KCNB2: variants seen among roughly 807,000 people sequenced by gnomAD.
KCNB2 encodes the protein delayed rectifier potassium channel protein.
KCNB2 carries 15 observed loss-of-function variants against 61.5 expected under a neutral mutation model. The observed-to-expected ratio is 0.24, with a 90% CI of 0.16 to 0.38. KCNB2 has a LOEUF of 0.38. Among genes scored for constraint, KCNB2 ranks in the 10% least tolerant of loss-of-function variants. The pLI is 1.00. For synonymous variants in KCNB2, 457 were observed against 446.0 expected (o/e 1.02, Z -0.31); for missense variants, 828 against 1,125.2 (o/e 0.74, Z 3.78).
chr8:72,767,805 A>G (rs1808485003), intron 2 of KCNB2, among the ~76,000 whole-genome samples: 1 of 152,182 alleles, frequency 6.6e-6, no homozygotes, highest in African/African-American at 2.4e-5. Context: ...GTTTTCCAAA[A>G]TGCCTGCATA....
intron 2 of KCNB2, among the ~76,000 whole-genome samples, chr8:72,736,407 A>T (rs1807846800): frequency 6.6e-6 from 1 of 152,144 alleles, no homozygotes; most frequent in Admixed American, 6.6e-5. Flanking sequence ...TTATCCCAAG[A>T]GTTGTTATTA....
At chr8:72,688,825 CA>C (rs1239578135) in intron 2 of KCNB2, among the ~76,000 whole-genome samples, 2 of 152,142 alleles carry the variant, frequency 1.3e-5, no homozygotes, top group African/African-American at 4.8e-5. Flanking sequence ...CTCCCAGGCT[CA>C]AGCAGTCCTC....
chr8:72,684,248 G>T (rs1333904128), intron 2 of KCNB2, among the ~76,000 whole-genome samples: 1 of 152,208 alleles, frequency 6.6e-6, no homozygotes, highest in African/African-American at 2.4e-5. Context: ...GTCACTAATA[G>T]AAGAAATACA....
intron 2 of KCNB2, among the ~76,000 whole-genome samples, chr8:72,908,654 T>C (rs77006305): frequency 0.011 from 1,633 of 152,286 alleles, 24 homozygotes; most frequent in African/African-American, 0.036. Flanking sequence ...GTTTTCACAT[T>C]ATTTTGTTGG....
intron 2 of KCNB2, among the ~76,000 whole-genome samples, chr8:72,771,343 A>C (rs1808555988): frequency 6.6e-6 from 1 of 152,178 alleles, no homozygotes; most frequent in Non-Finnish European, 1.5e-5. Context: ...CCTGCAGATA[A>C]AGTGATTTCC....
intron 2 of KCNB2, among the ~76,000 whole-genome samples, chr8:72,849,946 C>A (rs1489200884): frequency 6.6e-6 from 1 of 152,092 alleles, no homozygotes; most frequent in African/African-American, 2.4e-5. Context: ...CAACACCCAC[C>A]ATTTGTCAAA....
At chr8:72,694,548 G>A (rs1806987853) in intron 2 of KCNB2, among the ~76,000 whole-genome samples, 1 of 152,158 alleles carries the variant, frequency 6.6e-6, no homozygotes. Context: ...TATTCTGAAA[G>A]ATGGAGACTT....
At chr8:72,692,354 A>C (rs1403503332) in intron 2 of KCNB2, among the ~76,000 whole-genome samples, 2 of 152,098 alleles carry the variant, frequency 1.3e-5, no homozygotes, top group African/African-American at 4.8e-5. Flanking sequence ...GATTGGAGGT[A>C]GGATGGGGAA....
intron 2 of KCNB2, among the ~76,000 whole-genome samples, chr8:72,692,073 A>G (rs1806948342): frequency 6.6e-6 from 1 of 151,850 alleles, no homozygotes; most frequent in African/African-American, 2.4e-5. Context: ...TGTCTCTACT[A>G]AAAATACAAA....
chr8:72,606,807 G>A (rs1459924397), intron 2 of KCNB2, among the ~76,000 whole-genome samples: 3 of 152,160 alleles, frequency 2.0e-5, no homozygotes, highest in Admixed American at 2.0e-4. Context: ...TGCTTGCTGA[G>A]GGAGAGTAAA....
rs536029331 is a variant in KCNB2 at position 72,806,115 on chromosome 8, T to A, written c.580-129820T>A. Among the ~76,000 whole-genome samples, 37 of 152,174 alleles carry A rather than the reference T, an allele frequency of 2.4e-4. 1 individual carries two copies. The South Asian group carries it at 7.7e-3, about 32-fold the overall frequency. ...TGGCTCACGCCTGTAATCCTAGCAC[T>A]TTGGGAGGCCAAGGTGGGTGGATCA... On this transcript the variant is annotated intron_variant, in intron 2 of 2. Transcript: ENST00000523207.
At chr8:72,540,298 G>A (rs890354879) in intron 1 of KCNB2, among the ~76,000 whole-genome samples, 2 of 151,936 alleles carry the variant, frequency 1.3e-5, no homozygotes, top group Non-Finnish European at 2.9e-5. Flanking sequence ...ACGTTGATAG[G>A]AAATCTCATG....
intron 2 of KCNB2, among the ~76,000 whole-genome samples, chr8:72,626,444 G>T: frequency 6.6e-6 from 1 of 152,222 alleles, no homozygotes; most frequent in East Asian, 1.9e-4. Flanking sequence ...TATGTGCAAT[G>T]TGTTACATGC....
chr8:72,630,995 T>A (rs999288214), intron 2 of KCNB2, among the ~76,000 whole-genome samples: 18 of 152,214 alleles, frequency 1.2e-4, no homozygotes, highest in African/African-American at 4.1e-4. Context: ...GAACCCTGTA[T>A]ACAGTATGTT....
intron 2 of KCNB2, among the ~76,000 whole-genome samples, chr8:72,676,527 T>C (rs1452212270): frequency 6.6e-6 from 1 of 150,596 alleles, no homozygotes; most frequent in African/African-American, 2.4e-5. Context: ...TTAAGAACTT[T>C]TTCACATACT....
At chr8:72,928,610 G>A (rs929064885) in intron 2 of KCNB2, among the ~76,000 whole-genome samples, 4 of 151,354 alleles carry the variant, frequency 2.6e-5, no homozygotes, top group Non-Finnish European at 4.4e-5. Context: ...GCATTCTTAA[G>A]TTTACATTTT....
intron 2 of KCNB2, among the ~76,000 whole-genome samples, chr8:72,598,808 G>C (rs540270418): frequency 5.8e-4 from 88 of 151,036 alleles, no homozygotes; most frequent in African/African-American, 1.7e-3. Context: ...ACACCAATAA[G>C]AGACAGAGAG....
chr8:72,849,506 T>A (rs577002933), intron 2 of KCNB2, among the ~76,000 whole-genome samples: 5 of 152,318 alleles, frequency 3.3e-5, no homozygotes, highest in Non-Finnish European at 5.9e-5. Flanking sequence ...TTTCTAATGC[T>A]AAGCACACAT....
At chr8:72,693,177 G>GT (rs1806965988) in intron 2 of KCNB2, among the ~76,000 whole-genome samples, 1 of 152,124 alleles carries the variant, frequency 6.6e-6, no homozygotes, top group African/African-American at 2.4e-5. Flanking sequence ...CTGCGGGCCA[G>GT]TTTGCAGTTA....
Sources: allele counts gnomAD v4.1 joint callset (sites outside exome capture counted in the v4.1 genomes callset), GRCh38; gene constraint gnomAD v4.1.1; transcripts MANE v1.5; gene names NCBI Gene and HGNC (gene_info 2026-07-23, HGNC 2026-07-21).